Variants in PKD1 observed in about 807,000 individuals in gnomAD.
PKD1 encodes polycystin 1, transient receptor potential channel interacting, also known as polycystin-1.
Under a neutral mutation model 361.7 loss-of-function variants are expected in PKD1, and 81 were observed. The observed-to-expected ratio is 0.22, with a 90% CI of 0.19 to 0.27. The LOEUF (loss-of-function observed/expected upper bound fraction) is 0.27. Ranked by LOEUF, PKD1 falls within the 10% of genes least tolerant of loss-of-function variation. The probability of loss-of-function intolerance (pLI) is 1.00; values close to 1 mark genes in which losing one functional copy is unlikely to be tolerated. For synonymous variants in PKD1, 3,615 were observed against 2,818.3 expected (o/e 1.28, Z -8.95); for missense variants, 6,399 against 6,118.3 (o/e 1.05, Z -1.53).
chr16:2,107,990 T>C lies in PKD1; in HGVS notation c.6958A>G (p.Ser2320Gly), dbSNP rs1274468020. 3.9e-6 allele frequency: 6 copies of C among 1,547,872 alleles called. No individual in the cohort carries two copies. The highest frequency in any genetic ancestry group is 2.0e-5 in the Admixed American group (1 of 51,028). The change falls in exon 16 of 46, where the codon AGC becomes GGC. Residue 2320 changes from serine (S) to glycine (G), a missense_variant. Coordinates refer to ENST00000262304, the MANE Select transcript of PKD1 (RefSeq NM_001009944.3). ...GCALNFGPRG[S>G]STVTIPRERL... is the part of the protein sequence containing the mutation. ...TCCCGTGGAATGGTGACCGTGCTGC[T>C]CCCGCGGGGCCCAAAGTTCAGCGCA...
chr16:2,115,179 C>A (rs1373180859), intron 10 of PKD1, 199 bp downstream of exon 10: 21 of 679,182 alleles, frequency 3.1e-5, no homozygotes, highest in Non-Finnish European at 3.6e-5. Context: ...AGGCACAGCT[C>A]GTGCCAAGGG....
In PKD1 at chr16:2,097,153, G is replaced by A; in HGVS notation, c.10494C>T (p.Ser3498=). Residue 3498 remains serine (S), a synonymous_variant, in exon 34 of 46, where the codon AGC becomes AGT. Coordinates refer to ENST00000262304, the MANE Select transcript of PKD1 (RefSeq NM_001009944.3). ...QDTHMETDLL[S]SLSSTPGEKT... The stretch of plus-strand genomic sequence containing the variant: ...CCCGAGAGCCGGACACTCACAGGCT[G>A]CTGAGCAGGTCCGTTTCCATGTGGG... 6 of 1,550,338 alleles carry A rather than the reference G, an allele frequency of 3.9e-6. No homozygotes were observed. The highest frequency in any genetic ancestry group is 5.2e-6 in the Non-Finnish European group (6 of 1,146,866).
chr16:2,091,891 G>T lies in PKD1; in HGVS notation c.11427C>A (p.Gly3809=). 6.2e-7 allele frequency: 1 copy of T among 1,611,510 alleles called. No individual in the cohort carries two copies. Residue 3809 remains glycine (G), a synonymous_variant, in exon 41 of 46, where the codon GGC becomes GGA. Transcript: ENST00000262304. ...CCCCGCTGTCATACACGGCACAGGA[G>T]CCCCAGGACCATGCCCTGCCGGAGA... ...APDLLGAWSW[G]SCAVYDSGGY...
At chr16:2,130,397 C>T (rs1435052497) in intron 1 of PKD1, among the ~76,000 whole-genome samples, 1 of 152,210 alleles carries the variant, frequency 6.6e-6, no homozygotes, top group African/African-American at 2.4e-5. Flanking sequence ...TGAAACCTGG[C>T]TTCAATGTCA....
chr16:2,111,979 G>C (rs923899209), intron 14 of PKD1, 108 bp from the exon 15 acceptor site: 5 of 1,211,112 alleles, frequency 4.1e-6, no homozygotes, highest in Non-Finnish European at 6.0e-6. Context: ...CTGCACCTGC[G>C]GCCCAGCCTT....
rs1409562239 is a variant in PKD1 at position 2,111,734 on chromosome 16, T to C, written c.3433A>G (p.Thr1145Ala). 1 of 1,596,894 alleles carries C rather than the reference T, an allele frequency of 6.3e-7. No individual in the cohort carries two copies. The highest frequency in any genetic ancestry group is 1.3e-5 in the African/African-American group (1 of 74,598). The part of the protein sequence containing the change: ...DGVLVAGRPV[T>A]FYPHPLPSPG... The stretch of plus-strand genomic sequence containing the variant: ...GAGGGCAGCGGGTGCGGGTAGAAGG[T>C]GACGGGCCGGCCGGCCACCAGGACG... Residue 1145 changes from threonine (T) to alanine (A), a missense_variant, in exon 15 of 46, where the codon ACC becomes GCC. By Grantham distance (58) the Thr-to-Ala change is moderately conservative. Transcript: ENST00000262304.
In PKD1 at chr16:2,118,955, C is replaced by T. The variant is rs1467006404; in HGVS notation, c.360-110G>A. 6.6e-6 allele frequency: 5 copies of T among 762,704 alleles called. No homozygotes were observed. In the East Asian group the frequency reaches 1.3e-4, roughly 20 times the overall value. The allele number at this position is 762,704 out of a possible 1,614,324, so 47.2% of individuals were successfully genotyped here. ...CACCCTGACAGCACCGCCTCCCCTG[C>T]CCCAACCAAGCCGGCACTGGGGGGC... On this transcript the variant is annotated intron_variant, in intron 3 of 45. Coordinates refer to ENST00000262304, the MANE Select transcript of PKD1 (RefSeq NM_001009944.3). The surrounding 1 kb of genome is among the most constrained non-coding windows in gnomAD (Gnocchi z 6.0).
intron 34 of PKD1, chr16:2,094,702 G>A (rs1481218693): frequency 5.4e-6 from 1 of 185,982 alleles, no homozygotes; most frequent in Non-Finnish European, 1.1e-5. Context: ...TGAGGCCAGA[G>A]ATCTGCTTGT....
At position 2,111,600 on chromosome 16, in the gene PKD1, C is replaced by T. The variant is rs1333819580; in HGVS notation, c.3567G>A (p.Val1189=). The change falls in exon 15 of 46, where the codon GTG becomes GTA. Residue 1189 remains valine (V), a synonymous_variant. Transcript: ENST00000262304. ...HTYASRGTYH[V]RLEVNNTVSG... is the part of the protein sequence containing the mutation. ...TCACCGTGTTGTTGACCTCCAGGCG[C>T]ACGTGGTAGGTGCCCCTCGAGGCAT... The T allele has an allele frequency of 6.4e-7, 1 of 1,573,574 alleles. No individual in the cohort carries two copies. Among genetic ancestry groups the T allele is most frequent in the Non-Finnish European group, 8.6e-7 (1 of 1,160,696 alleles).
At chr16:2,098,106 G>A (rs561287337) in intron 30 of PKD1, 122 bp from the exon 31 acceptor site, 5 of 662,812 alleles carry the variant, frequency 7.5e-6, no homozygotes, top group South Asian at 3.3e-5. Flanking sequence ...GTCCTAGAAT[G>A]CTGGATATAT....
Position 2,088,965 on chromosome 16 carries a change from C to T in PKD1, c.*762G>A. 3.1e-6 allele frequency: 1 copy of T among 327,280 alleles called. No individual in the cohort carries two copies. The highest frequency in any genetic ancestry group is 5.8e-6 in the Non-Finnish European group (1 of 171,968). 20.3% of individuals were successfully genotyped at this position (327,280 alleles called of 1,614,324 possible). A position where few individuals can be genotyped will look rare whatever the true frequency, so the allele number is the denominator to read the frequency against. On this transcript the variant is annotated 3_prime_UTR_variant, in exon 46 of 46. Coordinates refer to ENST00000262304, the MANE Select transcript of PKD1 (RefSeq NM_001009944.3). ...TCTTTTCCTCTAACCACCCTGGGGT[C>T]CTCTGACATGCCTAGTCCTGCTACT...
At position 2,106,600 on chromosome 16, in the gene PKD1, C is replaced by T; in HGVS notation, c.7287G>A (p.Met2429Ile). The T allele has an allele frequency of 2.5e-6, 4 of 1,598,580 alleles. No homozygotes were observed. Among genetic ancestry groups the T allele is most frequent in the Non-Finnish European group, 3.4e-6 (4 of 1,179,156 alleles). ...ETTTSTGSAG[M>I]RLVLRRGVLR... ...GCACGCCCCGCCGCAGCACCAGTCG[C>T]ATGCCTGCACTGCCCGTGGATGTGG... The change falls in exon 18 of 46, where the codon ATG becomes ATA. Residue 2429 changes from methionine to isoleucine, a missense_variant. By Grantham distance (10) the Met-to-Ile change is conservative. Coordinates refer to ENST00000262304, the MANE Select transcript of PKD1 (RefSeq NM_001009944.3). This position sits in a 1 kb window ranked among gnomAD's most constrained non-coding sequence, Gnocchi z 6.5.
At chr16:2,133,827 C>T (rs1278171868) in intron 1 of PKD1, among the ~76,000 whole-genome samples, 1 of 151,778 alleles carries the variant, frequency 6.6e-6, no homozygotes, top group Non-Finnish European at 1.5e-5. Flanking sequence ...CTCCCAGGGT[C>T]CCCCTCCTCC....
At position 2,110,264 on chromosome 16, in the gene PKD1, G is replaced by T; in HGVS notation, c.4903C>A (p.Leu1635Met). Residue 1635 changes from leucine to methionine, a missense_variant, in exon 15 of 46, where the codon CTG becomes ATG. By Grantham distance (15) the Leu-to-Met change is conservative. Transcript: ENST00000262304. ...FVYVLQLIEG[L>M]QVVGGGRYFP... ...TAGCGGCCACCGCCCACCACCTGCA[G>T]CCCCTCTATGAGCTGCAGGACATAG... The T allele has an allele frequency of 6.2e-7, 1 of 1,612,480 alleles. No individual in the cohort carries two copies. Among genetic ancestry groups the T allele is most frequent in the South Asian group, 1.1e-5 (1 of 91,070 alleles).
At chr16:2,113,648 G>A (rs1030347728) in intron 11 of PKD1, 84 of 414,116 alleles carry the variant, frequency 2.0e-4, no homozygotes, top group Non-Finnish European at 3.2e-4. Flanking sequence ...AGTGAGGGGA[G>A]GCACCTACAC....
At position 2,111,798 on chromosome 16, in the gene PKD1, G is replaced by A. The variant is rs143449093; in HGVS notation, c.3369C>T (p.Arg1123=). ...NLTQQVPVSV[R]ASLPSVAVGV... ...CCACAGCCACGGAGGGCAGGGAGGC[G>A]CGCACGCTCACAGGCACCTGCTGCG... Residue 1123 remains arginine (R), a synonymous_variant, in exon 15 of 46, where the codon CGC becomes CGT. Transcript: ENST00000262304. The A allele has an allele frequency of 1.2e-4, 188 of 1,609,480 alleles. 4 individuals carry two copies. The African/African-American group carries it at 2.1e-3, about 18-fold the overall frequency.
intron 1 of PKD1, among the ~76,000 whole-genome samples, chr16:2,127,672 G>A (rs1043968189): frequency 3.3e-5 from 5 of 151,542 alleles, no homozygotes; most frequent in Non-Finnish European, 7.4e-5. Flanking sequence ...GCCAGTGGCT[G>A]AGCCAGGTCA....
At chr16:2,120,762 T>A (rs1410529511) in intron 1 of PKD1, among the ~76,000 whole-genome samples, 7 of 152,118 alleles carry the variant, frequency 4.6e-5, no homozygotes, top group African/African-American at 1.7e-4. Flanking sequence ...CTCACTCCTG[T>A]AATGCCAGAA....
Position 2,103,658 on chromosome 16 carries a change from G to A in PKD1, c.8399C>T (p.Pro2800Leu). 2 of 1,610,310 alleles carry A rather than the reference G, an allele frequency of 1.2e-6. No individual in the cohort carries two copies. The highest frequency in any genetic ancestry group is 1.7e-6 in the Non-Finnish European group (2 of 1,179,632). ...PRSLLCYGGA[P>L]GPGCHFSIPE... ...GATGGAGAAGTGGCAGCCAGGCCCT[G>A]GGGCGCCGCCATAGCACAGCAGGCT... Residue 2800 changes from proline to leucine, a missense_variant, in exon 23 of 46, where the codon CCA becomes CTA. Transcript: ENST00000262304.
Sources: allele counts gnomAD v4.1 joint callset (sites outside exome capture counted in the v4.1 genomes callset), GRCh38; gene constraint gnomAD v4.1.1; non-coding constraint Gnocchi (gnomAD v3.1); transcripts MANE v1.5; gene names NCBI Gene and HGNC (gene_info 2026-07-23, HGNC 2026-07-21).